HSD17B12: variants seen among roughly 807,000 people sequenced by gnomAD.
HSD17B12 encodes the protein very-long-chain 3-oxoacyl-CoA reductase.
HSD17B12 carries 32 observed loss-of-function variants against 39.3 expected under a neutral mutation model. The observed-to-expected ratio is 0.81, with a 90% CI of 0.61 to 1.09. The LOEUF (loss-of-function observed/expected upper bound fraction) is 1.09. Ranked by LOEUF, HSD17B12 falls within the 50% of genes least tolerant of loss-of-function variation. The pLI, the probability that HSD17B12 is intolerant of heterozygous loss-of-function variation, is 0.00. For missense variants in HSD17B12, 342 were observed against 382.9 expected (o/e 0.89, Z 0.89); for synonymous variants, 150 against 146.7 (o/e 1.02, Z -0.16).
intron 1 of HSD17B12, among the ~76,000 whole-genome samples, chr11:43,702,035 G>C (rs1949969754): frequency 1.3e-5 from 2 of 151,998 alleles, no homozygotes; most frequent in Non-Finnish European, 2.9e-5. Context: ...TTATTATAGA[G>C]ATCTTTTACT....
At chr11:43,672,828 G>A in the HSD17B12 span, among the ~76,000 whole-genome samples, 13 of 152,212 alleles carry the variant, frequency 8.5e-5, no homozygotes, top group South Asian at 8.3e-4. Context: ...GGCGTGAGTC[G>A]CCGCACCCTG....
rs757997430 is a variant in HSD17B12 at position 43,798,318 on chromosome 11, A to G, written c.284-2A>G. The G allele has an allele frequency of 2.5e-6, 4 of 1,588,810 alleles. No homozygotes were observed. Among genetic ancestry groups the G allele is most frequent in the East Asian group, 4.5e-5 (2 of 44,620 alleles). ...CCCCGTTTGTGTTTTCTTTTTCCCTAGAAGAAAAATTCAAAGTGGAGACAA... is the reference window on the plus strand; with the variant it reads ...CCCCGTTTGTGTTTTCTTTTTCCCTGGAAGAAAAATTCAAAGTGGAGACAA... On this transcript the variant is annotated splice_acceptor_variant, in intron 3 of 10. Transcript: ENST00000278353. LOFTEE classifies it high-confidence loss of function.
At chr11:43,723,563 T>C (rs1385402543) in intron 1 of HSD17B12, among the ~76,000 whole-genome samples, 2 of 152,248 alleles carry the variant, frequency 1.3e-5, no homozygotes, top group Non-Finnish European at 1.5e-5. Context: ...ATATTGCCAT[T>C]AGCATTTATT....
intron 3 of HSD17B12, among the ~76,000 whole-genome samples, chr11:43,797,018 A>G (rs956687353): frequency 2.0e-5 from 3 of 152,228 alleles, no homozygotes; most frequent in Non-Finnish European, 4.4e-5. Context: ...ATATTAGCAC[A>G]GTAAGTATAC....
the HSD17B12 span, among the ~76,000 whole-genome samples, chr11:43,671,503 G>A: frequency 0.045 from 6,880 of 152,250 alleles, 247 homozygotes; most frequent in South Asian, 0.12. Context: ...TTTTAAACTG[G>A]TTTGTTTACC....
the HSD17B12 span, among the ~76,000 whole-genome samples, chr11:43,633,056 T>G: frequency 2.6e-5 from 4 of 152,214 alleles, no homozygotes; most frequent in Admixed American, 6.5e-5. Context: ...CATGGATATA[T>G]CATGTAGTGG....
intron 4 of HSD17B12, among the ~76,000 whole-genome samples, chr11:43,813,108 T>C (rs1409737972): frequency 6.6e-6 from 1 of 152,210 alleles, no homozygotes. Context: ...CCCAAAGTGC[T>C]GGGATTACAG....
At chr11:43,673,492 CT>C in the HSD17B12 span, 4,571 of 83,728 alleles carry the variant, frequency 0.055, 60 homozygotes, top group Middle Eastern at 0.14. Context: ...CTTTTCTTTT[CT>C]TTTTTTTTTT....
chr11:43,767,300 T>C (rs1323795716), intron 3 of HSD17B12, among the ~76,000 whole-genome samples: 2 of 152,220 alleles, frequency 1.3e-5, no homozygotes, highest in Admixed American at 6.5e-5. Context: ...CTCCCACTTT[T>C]AAAATTTGGT....
At chr11:43,566,851 T>C in the HSD17B12 span, among the ~76,000 whole-genome samples, 1 of 152,170 alleles carries the variant, frequency 6.6e-6, no homozygotes, top group Non-Finnish European at 1.5e-5. Context: ...AAAATAATAA[T>C]AATAAGATCT....
intron 3 of HSD17B12, among the ~76,000 whole-genome samples, chr11:43,794,450 AAAG>A (rs1372878448): frequency 6.6e-6 from 1 of 152,232 alleles, no homozygotes; most frequent in Admixed American, 6.5e-5. Flanking sequence ...AGTTTTTAAA[AAAG>A]AAGAACAAAG....
At chr11:43,613,686 A>G in the HSD17B12 span, among the ~76,000 whole-genome samples, 1 of 144,098 alleles carries the variant, frequency 6.9e-6, no homozygotes, top group Non-Finnish European at 1.5e-5. Context: ...TTTTTTTTTG[A>G]GATGGAGTCT....
intron 1 of HSD17B12, among the ~76,000 whole-genome samples, chr11:43,731,204 C>T (rs1271565926): frequency 6.6e-6 from 1 of 152,178 alleles, no homozygotes; most frequent in Non-Finnish European, 1.5e-5. Context: ...ACCATGTTGA[C>T]CAGGCTGGTC....
At chr11:43,755,245 C>A in intron 3 of HSD17B12, 1 of 175,186 alleles carries the variant, frequency 5.7e-6, no homozygotes, top group East Asian at 1.5e-4. Flanking sequence ...AAAAATTGGC[C>A]GTCAAATTAG....
intron 3 of HSD17B12, among the ~76,000 whole-genome samples, chr11:43,784,994 G>T (rs1179557908): frequency 6.6e-6 from 1 of 152,010 alleles, no homozygotes; most frequent in Non-Finnish European, 1.5e-5. Context: ...TAACTTTTTT[G>T]CTTCTTAAGG....
intron 1 of HSD17B12, among the ~76,000 whole-genome samples, chr11:43,750,255 T>A (rs1033844823): frequency 3.9e-5 from 6 of 152,018 alleles, no homozygotes; most frequent in African/African-American, 1.5e-4. Flanking sequence ...TATCCAGAGA[T>A]AACCAGTATT....
the HSD17B12 span, among the ~76,000 whole-genome samples, chr11:43,578,609 G>T: frequency 6.6e-6 from 1 of 152,106 alleles, no homozygotes; most frequent in African/African-American, 2.4e-5. Flanking sequence ...GGACCTACTG[G>T]TTCCCTTTCC....
At chr11:43,618,708 T>C in the HSD17B12 span, among the ~76,000 whole-genome samples, 1 of 152,162 alleles carries the variant, frequency 6.6e-6, no homozygotes, top group South Asian at 2.1e-4. Context: ...ACTAAGAAAC[T>C]ACTTGCAAAA....
intron 1 of HSD17B12, among the ~76,000 whole-genome samples, chr11:43,694,125 T>A (rs1184678765): frequency 6.6e-6 from 1 of 152,242 alleles, no homozygotes; most frequent in Non-Finnish European, 1.5e-5. Flanking sequence ...AGAGCCCTTT[T>A]CAAGTATTCT....
Sources: allele counts gnomAD v4.1 joint callset (sites outside exome capture counted in the v4.1 genomes callset), GRCh38; gene constraint gnomAD v4.1.1; transcripts MANE v1.5; gene names NCBI Gene and HGNC (gene_info 2026-07-23, HGNC 2026-07-21).